PDXDC1: variants seen among roughly 807,000 people sequenced by gnomAD.
PDXDC1 encodes the protein pyridoxal dependent decarboxylase domain containing 1.
PDXDC1 carries 42 observed loss-of-function variants against 100.1 expected under a neutral mutation model. The ratio of observed to expected loss-of-function variants is 0.42; its 90% CI spans 0.33 to 0.54. The LOEUF (loss-of-function observed/expected upper bound fraction) is 0.54, where lower values mean the gene tolerates loss of function less well. Among genes scored for constraint, PDXDC1 ranks in the 20% least tolerant of loss-of-function variants. The pLI is 0.10. For synonymous variants in PDXDC1, 260 were observed against 371.7 expected (o/e 0.70, Z 3.46); for missense variants, 636 against 979.2 (o/e 0.65, Z 4.68).
intron 16 of PDXDC1, among the ~76,000 whole-genome samples, chr16:15,074,030 C>T (rs374369628): frequency 1.3e-5 from 2 of 152,268 alleles, no homozygotes; most frequent in Admixed American, 6.5e-5. Flanking sequence ...CATATACAGA[C>T]GCTAACAGAA....
chr16:15,064,158 A>G (rs1373062530), intron 16 of PDXDC1, among the ~76,000 whole-genome samples: 1 of 151,974 alleles, frequency 6.6e-6, no homozygotes, highest in Non-Finnish European at 1.5e-5. Context: ...TCATCTAGAT[A>G]AATCGCTTTT....
intron 16 of PDXDC1, among the ~76,000 whole-genome samples, chr16:15,119,493 G>A (rs1969179): frequency 1.4e-4 from 21 of 145,686 alleles, no homozygotes; most frequent in East Asian, 2.0e-4. Flanking sequence ...ATCTCGGCTC[G>A]CTGCAACCTC....
chr16:15,140,660 G>A (rs370232422), downstream of PDXDC1, among the ~76,000 whole-genome samples: 16 of 152,194 alleles, frequency 1.1e-4, no homozygotes, highest in East Asian at 1.9e-3. Flanking sequence ...AGAGCTGCCC[G>A]AGTTACAAAC....
chr16:15,061,745 C>G, intron 16 of PDXDC1: 1 of 1,606,066 alleles, frequency 6.2e-7, no homozygotes, highest in Non-Finnish European at 8.5e-7. Flanking sequence ...TTTCTGCCGT[C>G]AGAGGGGACT....
chr16:15,041,740 G>GAGCAAGCC, downstream of PDXDC1: 1 of 1,224,702 alleles, frequency 8.2e-7, no homozygotes, highest in Non-Finnish European at 1.2e-6. Context: ...ACAAACTGCT[G>GAGCAAGCC]AGCAAGCCAA....
rs747501449 is a variant in PDXDC1, at chr16:15,034,276, C to T, written c.1813-10C>T. 5 of 1,612,474 alleles carry T rather than the reference C, an allele frequency of 3.1e-6. No homozygotes were observed. Among genetic ancestry groups the T allele is most frequent in the Non-Finnish European group, 4.2e-6 (5 of 1,179,474 alleles). The stretch of plus-strand genomic sequence containing the variant: ...TTAAACAAGTAATGTCTTTCTTGGT[C>T]TTGCCACAGCTTCTGGAAAACATGA... On this transcript the variant is annotated splice_polypyrimidine_tract_variant and intron_variant, in intron 19 of 22. Coordinates refer to ENST00000396410, the MANE Select transcript of PDXDC1 (RefSeq NM_015027.4).
chr16:15,122,856 AG>A (rs1257343937), intron 16 of PDXDC1, among the ~76,000 whole-genome samples: 5 of 42,200 alleles, frequency 1.2e-4, no homozygotes, highest in African/African-American at 4.8e-4. Flanking sequence ...GGGGAGGGGA[AG>A]GGGGGAGTAA....
intron 1 of PDXDC1, chr16:14,989,712 C>CGCT: frequency 6.5e-7 from 1 of 1,542,836 alleles, no homozygotes; most frequent in Non-Finnish European, 8.7e-7. Context: ...ACGCACGCGG[C>CGCT]GCAGCAGCCC....
At chr16:15,150,387 A>AAAAC in the PDXDC1 span, among the ~76,000 whole-genome samples, 1 of 149,934 alleles carries the variant, frequency 6.7e-6, no homozygotes, top group Non-Finnish European at 1.5e-5. Context: ...ATAAATAAAT[A>AAAAC]AAAGACATCA....
intron 16 of PDXDC1, chr16:15,128,475 C>A: frequency 1.3e-6 from 1 of 773,636 alleles, no homozygotes; most frequent in East Asian, 2.6e-5. Flanking sequence ...GCTTTGGCCT[C>A]CGCGCACTCA....
At chr16:15,135,767 CG>C (rs1391971783) in intron 16 of PDXDC1, 2 of 1,595,546 alleles carry the variant, frequency 1.3e-6, no homozygotes, top group Non-Finnish European at 1.7e-6. Context: ...TGACCACACG[CG>C]GTATGAGCCA....
chr16:14,984,315 C>CTTTTTTTTTTTTTTTTT (rs1167894912), intron 1 of PDXDC1, among the ~76,000 whole-genome samples: 1 of 106,840 alleles, frequency 9.4e-6, no homozygotes, highest in African/African-American at 3.4e-5. Flanking sequence ...GCACCCCCGC[C>CTTTTTTTTTTTTTTTTT]TTTTTTTTTT....
At chr16:15,132,668 C>T (rs57147596) in intron 16 of PDXDC1, 92,431 of 723,910 alleles carry the variant, frequency 0.13, 6,853 homozygotes, top group South Asian at 0.23. Context: ...GGGGGCTGAA[C>T]CCAGTACCCT....
chr16:15,140,668 A>T (rs1331077634), downstream of PDXDC1, among the ~76,000 whole-genome samples: 1 of 152,042 alleles, frequency 6.6e-6, no homozygotes. Context: ...CCGAGTTACA[A>T]ACCAGGTCCT....
intron 13 of PDXDC1, among the ~76,000 whole-genome samples, chr16:15,024,847 C>A (rs1356566704): frequency 6.6e-6 from 1 of 152,306 alleles, no homozygotes; most frequent in Non-Finnish European, 1.5e-5. Context: ...CCCCCTGGGT[C>A]GTCTTCATCA....
At position 15,092,557 on chromosome 16, in the gene PDXDC1, A is replaced by T. The variant is rs140745047; in HGVS notation, c.1400-46322A>T. ...CTGTCACAGTTCCACCAAACCGAACAGTTTTTCTTGGGGGAGAATTGAAAA... is the reference window on the plus strand; with the variant it reads ...CTGTCACAGTTCCACCAAACCGAACTGTTTTTCTTGGGGGAGAATTGAAAA... On this transcript the variant is annotated intron_variant, in intron 16 of 16. Transcript: ENST00000535621. The T allele has an allele frequency of 4.3e-6, 7 of 1,613,738 alleles. No individual in the cohort carries two copies. The South Asian group carries it at 7.7e-5, about 18-fold the overall frequency.
intron 16 of PDXDC1, among the ~76,000 whole-genome samples, 172 bp from the exon 17 acceptor site, chr16:15,031,563 A>C (rs561874452): frequency 6.6e-6 from 1 of 152,170 alleles, no homozygotes; most frequent in South Asian, 2.1e-4. Flanking sequence ...TCTGTTTCTA[A>C]CCCTAATTCT....
At chr16:15,143,911 G>A (rs1456787219), downstream of PDXDC1, among the ~76,000 whole-genome samples, 1 of 152,200 alleles carries the variant, frequency 6.6e-6, no homozygotes, top group African/African-American at 2.4e-5. Context: ...CGTGTGGTCA[G>A]CGGCGGGCGT....
At chr16:15,029,137 C>G in intron 15 of PDXDC1, 171 bp downstream of exon 15, 1 of 747,784 alleles carries the variant, frequency 1.3e-6, no homozygotes, top group Non-Finnish European at 2.3e-6. Context: ...TACCACCTCA[C>G]GAGCTGGGTC....
Sources: gnomAD v4.1 joint callset for allele counts (sites outside exome capture counted in the v4.1 genomes callset) on GRCh38, gnomAD v4.1.1 for gene constraint, MANE v1.5 for transcripts, NCBI Gene and HGNC (gene_info 2026-07-23, HGNC 2026-07-21) for gene names.